EYS: variants seen among roughly 807,000 people sequenced by gnomAD.
The protein encoded by EYS is protein eyes shut homolog.
EYS carries 250 observed loss-of-function variants against 282.1 expected under a neutral mutation model. The ratio of observed to expected loss-of-function variants is 0.89; its 90% CI spans 0.80 to 0.98. The LOEUF is 0.98. Among genes scored for constraint, EYS ranks in the 50% least tolerant of loss-of-function variants. The probability of loss-of-function intolerance (pLI) is 0.00; values close to 1 mark genes in which losing one functional copy is unlikely to be tolerated. For synonymous variants in EYS, 1,355 were observed against 1,282.9 expected (o/e 1.06, Z -1.20); for missense variants, 4,016 against 3,709.0 (o/e 1.08, Z -2.15).
chr6:64,648,400 C>A (rs1768431884), intron 22 of EYS, among the ~76,000 whole-genome samples: 1 of 152,164 alleles, frequency 6.6e-6, no homozygotes, highest in Non-Finnish European at 1.5e-5. Context: ...ATTTCTGTCT[C>A]TATTGGTTGA....
At position 64,103,645 on chromosome 6, in the gene EYS, A is replaced by C. The variant is rs1772908654; in HGVS notation, c.6425-21643T>G. On this transcript the variant is annotated intron_variant, in intron 31 of 42. Coordinates refer to ENST00000503581, the MANE Select transcript of EYS (RefSeq NM_001142800.2). ...AGATGGTGATATGCCAGAATAAAGAAATTGAGTTTCATTCTGCAGTCAGGA... is the reference window on the plus strand; with the variant it reads ...AGATGGTGATATGCCAGAATAAAGACATTGAGTTTCATTCTGCAGTCAGGA... 2.6e-5 allele frequency among the ~76,000 whole-genome samples: 4 copies of C among 152,304 alleles called. 1 individual carries two copies. The highest frequency in any genetic ancestry group is 6.5e-5 in the Admixed American group (1 of 15,286).
At chr6:64,970,127 A>G (rs1770239470) in intron 14 of EYS, among the ~76,000 whole-genome samples, 1 of 151,268 alleles carries the variant, frequency 6.6e-6, no homozygotes, top group African/African-American at 2.4e-5. Flanking sequence ...CTCAAATATG[A>G]ATTGCCAAGC....
intron 22 of EYS, among the ~76,000 whole-genome samples, chr6:64,651,700 T>C (rs1339965049): frequency 6.6e-6 from 1 of 151,876 alleles, no homozygotes; most frequent in African/African-American, 2.4e-5. Flanking sequence ...GAAAAAAAAA[T>C]TCATAAAATA....
intron 26 of EYS, among the ~76,000 whole-genome samples, chr6:64,588,266 T>C (rs1766296132): frequency 6.6e-6 from 1 of 152,114 alleles, no homozygotes; most frequent in South Asian, 2.1e-4. Flanking sequence ...GCCATTATTA[T>C]GAATTTTGAC....
intron 36 of EYS, among the ~76,000 whole-genome samples, chr6:63,808,461 TAGAC>T (rs1770961815): frequency 6.6e-6 from 1 of 152,196 alleles, no homozygotes; most frequent in East Asian, 1.9e-4. Flanking sequence ...AATCATAGAT[TAGAC>T]AGAGAGCTGG....
rs138690013 is a variant in EYS at position 63,880,557 on chromosome 6, A to C, written c.7056-16199T>G. ...CTGTCCCTTTATGGAAACCTGACTA[A>C]TTCAGGCTTGGACCAATATTTTGTG... On this transcript the variant is annotated intron_variant, in intron 35 of 42. Coordinates refer to ENST00000503581, the MANE Select transcript of EYS (RefSeq NM_001142800.2). 2.9e-3 allele frequency among the ~76,000 whole-genome samples: 432 copies of C among 149,042 alleles called. 3 individuals are homozygous for C. Among genetic ancestry groups the C allele is most frequent in the Non-Finnish European group, 4.3e-3 (290 of 66,730 alleles).
At position 65,353,441 on chromosome 6, in the gene EYS, T is replaced by A; in HGVS notation, c.1459+17A>T. On this transcript the variant is annotated intron_variant, in intron 9 of 42. Coordinates refer to ENST00000503581, the MANE Select transcript of EYS (RefSeq NM_001142800.2). ...AATGATTCAAGCAGATTGAAAAAAATTACATAAATTTGTTACCTGCAAATC... is the reference window on the plus strand; with the variant it reads ...AATGATTCAAGCAGATTGAAAAAAAATACATAAATTTGTTACCTGCAAATC... 2 of 1,611,538 alleles carry A rather than the reference T, an allele frequency of 1.2e-6. No individual in the cohort carries two copies. Among genetic ancestry groups the A allele is most frequent in the Non-Finnish European group, 8.5e-7 (1 of 1,178,224 alleles).
chr6:65,443,851 TAA>T (rs919910414), intron 5 of EYS, among the ~76,000 whole-genome samples: 4 of 151,860 alleles, frequency 2.6e-5, no homozygotes, highest in Admixed American at 6.6e-5. Context: ...TAATCAAATA[TAA>T]GTCTAAATTA....
At chr6:65,630,419 A>C (rs977211335) in intron 2 of EYS, among the ~76,000 whole-genome samples, 3 of 152,256 alleles carry the variant, frequency 2.0e-5, no homozygotes, top group Non-Finnish European at 2.9e-5. Context: ...CATCTTCTCC[A>C]TTAATATTTT....
At chr6:64,955,036 C>T (rs1478432199) in intron 14 of EYS, among the ~76,000 whole-genome samples, 2 of 151,668 alleles carry the variant, frequency 1.3e-5, no homozygotes, top group Admixed American at 6.6e-5. Context: ...AAAAATTAGC[C>T]GGGCATGGTG....
At chr6:63,840,503 A>AT (rs1186627120) in intron 36 of EYS, among the ~76,000 whole-genome samples, 7 of 151,364 alleles carry the variant, frequency 4.6e-5, no homozygotes, top group Non-Finnish European at 7.4e-5. Flanking sequence ...CACTCTGTTG[A>AT]TTTTTTTTCC....
At chr6:64,819,086 T>C (rs1011355714) in intron 21 of EYS, among the ~76,000 whole-genome samples, 1 of 152,158 alleles carries the variant, frequency 6.6e-6, no homozygotes, top group Non-Finnish European at 1.5e-5. Flanking sequence ...CTTGCCTCTT[T>C]AGCCTTGAAA....
At chr6:64,758,155 T>C (rs1448427012) in intron 22 of EYS, among the ~76,000 whole-genome samples, 1 of 152,104 alleles carries the variant, frequency 6.6e-6, no homozygotes, top group Non-Finnish European at 1.5e-5. Context: ...GTCAGTCTTG[T>C]GCTTTGTTCT....
At chr6:64,649,290 C>T (rs1460271277) in intron 22 of EYS, among the ~76,000 whole-genome samples, 1 of 104,122 alleles carries the variant, frequency 9.6e-6, no homozygotes, top group Non-Finnish European at 2.0e-5. Context: ...ATACTTGTAA[C>T]TTTAATAATA....
intron 35 of EYS, among the ~76,000 whole-genome samples, chr6:63,935,001 T>C (rs897099476): frequency 6.6e-6 from 1 of 152,240 alleles, no homozygotes. Flanking sequence ...TCCTCCTTGC[T>C]AAAATATGTA....
At chr6:63,900,171 T>C (rs2149730687) in intron 35 of EYS, among the ~76,000 whole-genome samples, 1 of 152,342 alleles carries the variant, frequency 6.6e-6, no homozygotes, top group Middle Eastern at 3.4e-3. Flanking sequence ...TCTTTTTTCA[T>C]GACATTGAAC....
chr6:65,704,810 T>C (rs563487388), intron 1 of EYS, among the ~76,000 whole-genome samples: 2 of 152,314 alleles, frequency 1.3e-5, no homozygotes, highest in Non-Finnish European at 1.5e-5. Flanking sequence ...AGTGATGCAC[T>C]CACTCTCTGA....
chr6:64,160,610 A>T (rs116414917), intron 31 of EYS, among the ~76,000 whole-genome samples: 292 of 152,342 alleles, frequency 1.9e-3, no homozygotes, highest in African/African-American at 6.3e-3. Context: ...TGCTGAATTC[A>T]TTGAAGTAGT....
intron 19 of EYS, among the ~76,000 whole-genome samples, chr6:64,846,099 T>C (rs1162497537): frequency 1.3e-5 from 2 of 152,176 alleles, no homozygotes; most frequent in East Asian, 3.8e-4. Context: ...TTTCAATAAC[T>C]CTCTGTTTAT....
Sources: gnomAD v4.1 joint callset for allele counts (sites outside exome capture counted in the v4.1 genomes callset) on GRCh38, gnomAD v4.1.1 for gene constraint, MANE v1.5 for transcripts, NCBI Gene and HGNC (gene_info 2026-07-23, HGNC 2026-07-21) for gene names.